DNAH6: variants seen among roughly 807,000 people sequenced by gnomAD.
The protein encoded by DNAH6 is dynein axonemal heavy chain 6.
A neutral mutation model predicts 491.4 loss-of-function variants in DNAH6; 340 were observed. The observed-to-expected ratio is 0.69, with a 90% CI of 0.63 to 0.76. The LOEUF is 0.76. Ranked by LOEUF, DNAH6 falls within the 30% of genes least tolerant of loss-of-function variation. DNAH6 has a pLI of 0.00. For synonymous variants in DNAH6, 1,603 were observed against 1,686.1 expected, an observed-to-expected ratio of 0.95 and a Z score of 1.21; for missense variants, 4,443 against 4,972.2, an observed-to-expected ratio of 0.89 and a Z score of 3.20.
At position 84,624,152 on chromosome 2, in the gene DNAH6, T is replaced by C. The variant is rs1030207029; in HGVS notation, c.4072-113T>C. 49 of 974,734 alleles carry C rather than the reference T, an allele frequency of 5.0e-5. 1 individual carries two copies. The South Asian group carries it at 9.0e-4, about 18-fold the overall frequency. The allele number at this position is 974,734 out of a possible 1,614,324, so 60.4% of individuals were successfully genotyped here. A position where few individuals can be genotyped will look rare whatever the true frequency, so the allele number is the denominator to read the frequency against. On this transcript the variant is annotated intron_variant, in intron 26 of 76. Coordinates refer to ENST00000389394, the MANE Select transcript of DNAH6 (RefSeq NM_001370.2). ...TGTTTGGTCACAAAATTATAGATTC[T>C]TAAAATTAGCTGGTTTTTAGCAATG...
chr2:84,702,500 A>G (rs768287177), intron 49 of DNAH6, among the ~76,000 whole-genome samples: 6 of 151,706 alleles, frequency 4.0e-5, no homozygotes, highest in Non-Finnish European at 7.4e-5. Flanking sequence ...GCCTTGTGAA[A>G]TAACTTGACT....
chr2:84,481,465 C>T, the DNAH6 span, among the ~76,000 whole-genome samples: 1 of 152,182 alleles, frequency 6.6e-6, no homozygotes, highest in Non-Finnish European at 1.5e-5. Context: ...AGCTCACTAA[C>T]ATGTGGAAAA....
chr2:84,720,558 G>A (rs1340083931), intron 59 of DNAH6, among the ~76,000 whole-genome samples: 1 of 152,016 alleles, frequency 6.6e-6, no homozygotes, highest in Non-Finnish European at 1.5e-5. Flanking sequence ...GATTACAGGC[G>A]TGAGCCACCG....
At chr2:84,612,307 T>C (rs1203918605) in intron 22 of DNAH6, among the ~76,000 whole-genome samples, 1 of 152,134 alleles carries the variant, frequency 6.6e-6, no homozygotes, top group African/African-American at 2.4e-5. Context: ...TATTACCACT[T>C]ATTACATTTC....
At chr2:84,577,581 A>G (rs1682585904) in intron 13 of DNAH6, among the ~76,000 whole-genome samples, 173 bp downstream of exon 13, 1 of 152,188 alleles carries the variant, frequency 6.6e-6, no homozygotes, top group Non-Finnish European at 1.5e-5. Context: ...TGTCACAAGC[A>G]TAATCAGCTT....
chr2:84,588,261 A>G (rs571983051), intron 15 of DNAH6, among the ~76,000 whole-genome samples: 4 of 152,360 alleles, frequency 2.6e-5, no homozygotes, highest in South Asian at 2.1e-4. Flanking sequence ...AGCTATGGCT[A>G]TAAAGGTTCT....
chr2:84,698,723 G>C (rs978886140), intron 47 of DNAH6, among the ~76,000 whole-genome samples: 40 of 152,304 alleles, frequency 2.6e-4, no homozygotes, highest in African/African-American at 9.6e-4. Context: ...CTACCAAAAA[G>C]AGATATGCAC....
intron 5 of DNAH6, among the ~76,000 whole-genome samples, chr2:84,546,519 G>A (rs543981405): frequency 1.3e-5 from 2 of 152,204 alleles, no homozygotes; most frequent in East Asian, 1.9e-4. Flanking sequence ...GACTGTATGT[G>A]GTCCTTTATG....
intron 64 of DNAH6, among the ~76,000 whole-genome samples, chr2:84,780,783 T>TC (rs1292799041): frequency 6.8e-6 from 1 of 146,044 alleles, no homozygotes; most frequent in Non-Finnish European, 1.5e-5. Context: ...TTGAGGCTTT[T>TC]TTTTTTGTAT....
At chr2:84,782,239 T>G (rs1676764663) in intron 65 of DNAH6, among the ~76,000 whole-genome samples, 2 of 152,200 alleles carry the variant, frequency 1.3e-5, no homozygotes, top group African/African-American at 4.8e-5. Flanking sequence ...AATCTACTCA[T>G]TTTAAAGTGT....
At chr2:84,505,622 A>C in the DNAH6 span, among the ~76,000 whole-genome samples, 1 of 152,046 alleles carries the variant, frequency 6.6e-6, no homozygotes, top group Non-Finnish European at 1.5e-5. Context: ...GGTTAGTTAC[A>C]TATGTATACA....
intron 5 of DNAH6, among the ~76,000 whole-genome samples, chr2:84,546,443 G>A (rs1430558190): frequency 1.3e-5 from 2 of 151,946 alleles, no homozygotes; most frequent in African/African-American, 4.8e-5. Context: ...AAGCATTGTC[G>A]ACCCTACTAA....
chr2:84,533,782 T>G (rs142700251), intron 4 of DNAH6, among the ~76,000 whole-genome samples: 1 of 152,296 alleles, frequency 6.6e-6, no homozygotes, highest in African/African-American at 2.4e-5. Flanking sequence ...ACTTATTGGC[T>G]TACCATCTGA....
In DNAH6 at chr2:84,694,398, G is replaced by A; in HGVS notation, c.7442G>A (p.Ser2481Asn). Residue 2481 changes from serine (S) to asparagine (N), a missense_variant, in exon 46 of 77, where the codon AGT (serine) becomes AAT (asparagine). Ser to Asn is a conservative substitution (Grantham distance 46). Coordinates refer to ENST00000389394, the MANE Select transcript of DNAH6 (RefSeq NM_001370.2). ...IELSRGYNYD[S>N]FHEDLRKLYK... ...CTCAGCCGGGGATATAATTATGATAGTTTTCATGAAGACCTGAGGAAGTTG... is the reference window on the plus strand; with the variant it reads ...CTCAGCCGGGGATATAATTATGATAATTTTCATGAAGACCTGAGGAAGTTG... The A allele has an allele frequency of 6.4e-7, 1 of 1,552,346 alleles. No homozygotes were observed. The highest frequency in any genetic ancestry group is 2.4e-5 in the East Asian group (1 of 40,928).
At position 84,605,484 on chromosome 2, in the gene DNAH6, T is replaced by C; in HGVS notation, c.3082-16T>C. 1 of 1,532,694 alleles carries C rather than the reference T, an allele frequency of 6.5e-7. No individual in the cohort carries two copies. The highest frequency in any genetic ancestry group is 8.9e-7 in the Non-Finnish European group (1 of 1,129,876). The allele number at this position is 1,532,694 out of a possible 1,614,324, so 94.9% of individuals were successfully genotyped here. A position where few individuals can be genotyped will look rare whatever the true frequency, so the allele number is the denominator to read the frequency against. On this transcript the variant is annotated splice_polypyrimidine_tract_variant and intron_variant, in intron 19 of 76. Coordinates refer to ENST00000389394, the MANE Select transcript of DNAH6 (RefSeq NM_001370.2). ...ACACTGAATTTAGATATCCTAAGGCTTGAATTATTTCTAAGGTGGAGGACT... is the reference window on the plus strand; with the variant it reads ...ACACTGAATTTAGATATCCTAAGGCCTGAATTATTTCTAAGGTGGAGGACT...
chr2:84,516,701 T>G (rs901990556), intron 1 of DNAH6, 118 bp downstream of exon 1: 4 of 152,204 alleles, frequency 2.6e-5, no homozygotes, highest in African/African-American at 9.7e-5. Flanking sequence ...GAAAGGCATT[T>G]CAGTGATTGT....
At chr2:84,621,888 A>C (rs945229983) in intron 26 of DNAH6, among the ~76,000 whole-genome samples, 1 of 152,202 alleles carries the variant, frequency 6.6e-6, no homozygotes. Context: ...TATTCAGTCC[A>C]GGAAAACCTC....
chr2:84,629,258 C>T (rs1481327946), intron 29 of DNAH6, among the ~76,000 whole-genome samples: 1 of 152,118 alleles, frequency 6.6e-6, no homozygotes, highest in East Asian at 1.9e-4. Flanking sequence ...GAATGGGTGC[C>T]TGGTTTATTT....
chr2:84,598,127 T>TTTACTTTCTTTCTTTCTTTC (rs1196472640), intron 18 of DNAH6, among the ~76,000 whole-genome samples: 1 of 109,314 alleles, frequency 9.1e-6, no homozygotes, highest in African/African-American at 3.4e-5. Flanking sequence ...TCTATCTTTC[T>TTTACTTTCTTTCTTTCTTTC]TTTCTTTCTT....
Sources: gnomAD v4.1 joint callset for allele counts (sites outside exome capture counted in the v4.1 genomes callset) on GRCh38, gnomAD v4.1.1 for gene constraint, MANE v1.5 for transcripts, NCBI Gene and HGNC (gene_info 2026-07-23, HGNC 2026-07-21) for gene names.